The following PRELID2 variants were observed in gnomAD, a reference collection of about 807,000 sequenced individuals.
PRELID2 encodes the protein PRELI domain-containing protein 2.
PRELID2 carries 25 observed loss-of-function variants against 28.4 expected under a neutral mutation model. The ratio of observed to expected loss-of-function variants is 0.88; its 90% CI spans 0.64 to 1.23. The LOEUF (loss-of-function observed/expected upper bound fraction) is 1.23. PRELID2 is among the 50% of genes most tolerant of loss of function. PRELID2 has a pLI of 0.00. For missense variants in PRELID2, 201 were observed against 214.4 expected, an observed-to-expected ratio of 0.94 and a Z score of 0.39; for synonymous variants, 76 against 71.6, an observed-to-expected ratio of 1.06 and a Z score of -0.31.
chr5:145,713,123 A>G (rs961062970), intron 1 of PRELID2, among the ~76,000 whole-genome samples: 5 of 151,756 alleles, frequency 3.3e-5, no homozygotes, highest in Non-Finnish European at 7.4e-5. Flanking sequence ...AGCAAAAGAA[A>G]TTAATATAAT....
At chr5:145,407,374 A>G in the PRELID2 span, among the ~76,000 whole-genome samples, 2 of 152,118 alleles carry the variant, frequency 1.3e-5, no homozygotes, top group Admixed American at 6.6e-5. Context: ...ATGATGGGGC[A>G]GAGGCAGCCA....
chr5:145,690,561 G>T (rs1223338061), intron 1 of PRELID2, among the ~76,000 whole-genome samples: 1 of 152,192 alleles, frequency 6.6e-6, no homozygotes, highest in East Asian at 1.9e-4. Context: ...ATATAGGGAT[G>T]CTACATCAAC....
At chr5:145,359,574 T>C in the PRELID2 span, among the ~76,000 whole-genome samples, 37 of 152,178 alleles carry the variant, frequency 2.4e-4, no homozygotes, top group Non-Finnish European at 5.1e-4. Flanking sequence ...CAGTCTCAGA[T>C]AAGTAAGCAT....
intron 1 of PRELID2, among the ~76,000 whole-genome samples, chr5:145,638,875 G>A (rs1265169753): frequency 6.6e-6 from 1 of 152,210 alleles, no homozygotes; most frequent in Non-Finnish European, 1.5e-5. Context: ...ATGAAAATTG[G>A]TGTAGACATT....
chr5:145,563,535 G>A (rs1752941152), intron 1 of PRELID2, among the ~76,000 whole-genome samples: 2 of 152,186 alleles, frequency 1.3e-5, no homozygotes, highest in African/African-American at 4.8e-5. Context: ...GAGGTCCAGA[G>A]AGGAGTATGA....
At chr5:145,807,104 C>CA (rs35117419) in intron 4 of PRELID2, among the ~76,000 whole-genome samples, 9 of 152,182 alleles carry the variant, frequency 5.9e-5, no homozygotes, top group African/African-American at 2.2e-4. Context: ...GCCATCACCA[C>CA]AAACACATGA....
chr5:145,579,445 G>A (rs1461730000), intron 1 of PRELID2, among the ~76,000 whole-genome samples: 1 of 152,100 alleles, frequency 6.6e-6, no homozygotes, highest in Non-Finnish European at 1.5e-5. Context: ...CCCTTGGGCA[G>A]AGCAATAATT....
chr5:145,401,100 T>C, the PRELID2 span, among the ~76,000 whole-genome samples: 1 of 152,080 alleles, frequency 6.6e-6, no homozygotes, highest in Non-Finnish European at 1.5e-5. Context: ...CCTACTGCCG[T>C]TGTCACGTGC....
At chr5:145,513,623 C>T (rs951148656) in intron 1 of PRELID2, among the ~76,000 whole-genome samples, 13 of 152,056 alleles carry the variant, frequency 8.5e-5, no homozygotes. Flanking sequence ...GGCCAACATT[C>T]AAATTCAGGA....
intron 1 of PRELID2, among the ~76,000 whole-genome samples, chr5:145,560,010 G>T (rs1752913528): frequency 6.6e-6 from 1 of 152,116 alleles, no homozygotes; most frequent in Non-Finnish European, 1.5e-5. Flanking sequence ...GCTTAGCCTA[G>T]CCTACCTTAA....
At chr5:145,558,081 G>A (rs2126689119) in intron 1 of PRELID2, among the ~76,000 whole-genome samples, 1 of 152,314 alleles carries the variant, frequency 6.6e-6, no homozygotes, top group South Asian at 2.1e-4. Context: ...TAACAGTATA[G>A]AATCAGATAA....
the PRELID2 span, among the ~76,000 whole-genome samples, chr5:145,428,552 GGGGGCA>G: frequency 6.6e-6 from 1 of 152,112 alleles, no homozygotes; most frequent in African/African-American, 2.4e-5. Context: ...GTTGTGGGGT[GGGGGCA>G]GGGAGGAGGA....
At chr5:145,735,894 T>C (rs1409285948) in intron 1 of PRELID2, among the ~76,000 whole-genome samples, 1 of 152,176 alleles carries the variant, frequency 6.6e-6, no homozygotes, top group Non-Finnish European at 1.5e-5. Flanking sequence ...ACCGACCACA[T>C]TGTGAGACTA....
At chr5:145,443,139 G>A in the PRELID2 span, among the ~76,000 whole-genome samples, 1 of 152,036 alleles carries the variant, frequency 6.6e-6, no homozygotes, top group Non-Finnish European at 1.5e-5. Flanking sequence ...CTCTGCAGGA[G>A]GAAACACATT....
chr5:145,702,401 ATG>A (rs1018346507), intron 1 of PRELID2, among the ~76,000 whole-genome samples: 4 of 152,206 alleles, frequency 2.6e-5, no homozygotes, highest in Admixed American at 1.3e-4. Context: ...GATGGGTTAA[ATG>A]TGTTTTTCTT....
chr5:145,342,398 A>G, the PRELID2 span, among the ~76,000 whole-genome samples: 3 of 152,172 alleles, frequency 2.0e-5, no homozygotes, highest in South Asian at 2.1e-4. Flanking sequence ...CCAAACCACA[A>G]TTATAAACAA....
the PRELID2 span, among the ~76,000 whole-genome samples, chr5:145,349,711 C>T: frequency 6.6e-6 from 1 of 152,010 alleles, no homozygotes; most frequent in African/African-American, 2.4e-5. Flanking sequence ...GACTAAAATC[C>T]ATGGGACCTA....
the PRELID2 span, among the ~76,000 whole-genome samples, chr5:145,373,810 T>A: frequency 5.8e-5 from 3 of 51,832 alleles, no homozygotes; most frequent in African/African-American, 8.9e-5. Flanking sequence ...ACAACATATA[T>A]TATATATGAT....
intron 1 of PRELID2, among the ~76,000 whole-genome samples, chr5:145,727,686 A>T (rs1756212664): frequency 1.3e-5 from 2 of 152,208 alleles, no homozygotes; most frequent in African/African-American, 4.8e-5. Context: ...CTTCAACTGT[A>T]AATCTTTTGG....
Sources: allele counts gnomAD v4.1 joint callset (sites outside exome capture counted in the v4.1 genomes callset), GRCh38; gene constraint gnomAD v4.1.1; transcripts MANE v1.5; gene names NCBI Gene and HGNC (gene_info 2026-07-23, HGNC 2026-07-21).